NBAS: variants seen among roughly 807,000 people sequenced by gnomAD.
The protein encoded by NBAS is NAG/BC035112 fusion.
Under a neutral mutation model 302.5 loss-of-function variants are expected in NBAS, and 219 were observed. The observed-to-expected ratio is 0.72, with a 90% confidence interval of 0.65 to 0.81. The LOEUF (loss-of-function observed/expected upper bound fraction) is 0.81. Ranked by LOEUF, NBAS falls within the 30% of genes least tolerant of loss-of-function variation. The pLI is 0.00. For synonymous variants in NBAS, 1,118 were observed against 1,021.6 expected (o/e 1.09, Z -1.80); for missense variants, 2,932 against 2,841.6 (o/e 1.03, Z -0.72).
Position 15,218,943 on chromosome 2 carries a change from G to C in NBAS, c.6262C>G (p.Leu2088Val). The C allele has an allele frequency of 6.2e-7, 1 of 1,614,264 alleles. No homozygotes were observed. The highest frequency in any genetic ancestry group is 8.5e-7 in the Non-Finnish European group (1 of 1,180,044). ...CAGAAAGGCCGCAGCCACTCCAGCA[G>C]GTCCTCAGGTGAAACCAGCTCCTCA... The part of the protein sequence containing the change: ...KGEELVSPED[L>V]LEWLRPFCAD... The change falls in exon 48 of 52, where the codon CTG becomes GTG. Residue 2088 changes from leucine (L) to valine (V), a missense_variant. Transcript: ENST00000281513.
chr2:14,861,423 G>C, the NBAS span, among the ~76,000 whole-genome samples: 1 of 152,212 alleles, frequency 6.6e-6, no homozygotes, highest in Non-Finnish European at 1.5e-5. Context: ...AGAGACAAAA[G>C]AACAGGAAGT....
chr2:15,417,129 A>G (rs900488466), intron 24 of NBAS, among the ~76,000 whole-genome samples: 2 of 152,212 alleles, frequency 1.3e-5, no homozygotes, highest in Admixed American at 1.3e-4. Context: ...CCCTGAAGCC[A>G]AGATGTTTTC....
At chr2:15,271,928 A>G (rs1473619715) in intron 44 of NBAS, among the ~76,000 whole-genome samples, 1 of 152,224 alleles carries the variant, frequency 6.6e-6, no homozygotes, top group Non-Finnish European at 1.5e-5. Context: ...CAACAAAAAA[A>G]AGCATTTAGA....
intron 39 of NBAS, 65 bp downstream of exon 39, chr2:15,309,106 A>C: frequency 7.4e-7 from 1 of 1,348,580 alleles, no homozygotes. Context: ...TTTACCGATG[A>C]AAATTCACAG....
At chr2:14,976,757 G>A in the NBAS span, among the ~76,000 whole-genome samples, 1 of 152,174 alleles carries the variant, frequency 6.6e-6, no homozygotes, top group Non-Finnish European at 1.5e-5. Flanking sequence ...CAGGAAAAGA[G>A]GACAGACACA....
At chr2:14,802,060 C>T in the NBAS span, among the ~76,000 whole-genome samples, 1 of 147,064 alleles carries the variant, frequency 6.8e-6, no homozygotes, top group Non-Finnish European at 1.5e-5. Context: ...GCTTTTGTTG[C>T]CATTGTTTTT....
At chr2:15,070,026 G>A in the NBAS span, among the ~76,000 whole-genome samples, 1 of 152,144 alleles carries the variant, frequency 6.6e-6, no homozygotes, top group Non-Finnish European at 1.5e-5. Context: ...CAGAACTGCA[G>A]AGTCCCCTGG....
chr2:15,240,446 C>CAAAA lies in NBAS; in HGVS notation c.5725-1764_5725-1761dup, dbSNP rs1175235771. 5.3e-3 allele frequency among the ~76,000 whole-genome samples: 396 copies of CAAAA among 75,350 alleles called. 6 individuals are homozygous for CAAAA. Among genetic ancestry groups the CAAAA allele is most frequent in the African/African-American group, 0.014 (305 of 21,940 alleles). The allele number at this position is 75,350 out of a possible 152,430, so 49.4% of individuals were successfully genotyped here. A position where few individuals can be genotyped will look rare whatever the true frequency, so the allele number is the denominator to read the frequency against. On this transcript the variant is annotated intron_variant, in intron 44 of 51. Transcript: ENST00000281513. ...TGAAACCCCGTCTCTACTAAAAATA[C>CAAAA]AAAAAAAAAAAAAAAAAAAAATTAG... is the stretch of plus-strand genomic sequence containing the variant.
At chr2:15,164,624 A>G (rs1371262327), downstream of NBAS, among the ~76,000 whole-genome samples, 1 of 152,152 alleles carries the variant, frequency 6.6e-6, no homozygotes, top group Non-Finnish European at 1.5e-5. Flanking sequence ...GCCCTTGCTT[A>G]TTCTGATTTG....
chr2:15,399,398 T>C (rs978524161), intron 26 of NBAS, among the ~76,000 whole-genome samples: 2 of 152,090 alleles, frequency 1.3e-5, no homozygotes, highest in African/African-American at 2.4e-5. Context: ...ACTGATAGCC[T>C]TTGGGTTGAG....
At chr2:15,020,127 C>T in the NBAS span, among the ~76,000 whole-genome samples, 2 of 152,208 alleles carry the variant, frequency 1.3e-5, no homozygotes, top group African/African-American at 4.8e-5. Context: ...CTCCTTTTCA[C>T]TGTATCATGC....
intron 9 of NBAS, 37 bp from the exon 10 acceptor site, chr2:15,511,387 C>T: frequency 6.3e-7 from 1 of 1,589,690 alleles, no homozygotes; most frequent in Non-Finnish European, 8.6e-7. Context: ...CGATAAATTG[C>T]AAATATAAAT....
chr2:15,270,761 TA>T (rs1348266736), intron 44 of NBAS, among the ~76,000 whole-genome samples: 1 of 152,190 alleles, frequency 6.6e-6, no homozygotes, highest in Non-Finnish European at 1.5e-5. Flanking sequence ...GTATAATTTT[TA>T]AAAACCTTCA....
intron 44 of NBAS, among the ~76,000 whole-genome samples, chr2:15,261,874 A>G (rs542074459): frequency 6.6e-6 from 1 of 152,350 alleles, no homozygotes; most frequent in South Asian, 2.1e-4. Context: ...GGTATATACC[A>G]CAAATTGTTA....
In NBAS at chr2:15,275,812, T is replaced by C. The variant is rs769186414; in HGVS notation, c.5396A>G (p.Asn1799Ser). The part of the protein sequence containing the change: ...KKFKVVASGL[N>S]YKKLTDENMS... ...GTTTTCATCTGTCAGCTTTTTGTAATTAAGACCTAGCAGAAAAAAAAAGAA... is the reference window on the plus strand; with the variant it reads ...GTTTTCATCTGTCAGCTTTTTGTAACTAAGACCTAGCAGAAAAAAAAAGAA... The change falls in exon 44 of 52, where the codon AAT (asparagine) becomes AGT (serine). Residue 1799 changes from asparagine to serine, a missense_variant. Coordinates refer to ENST00000281513, the MANE Select transcript of NBAS (RefSeq NM_015909.4). 2.5e-6 allele frequency: 4 copies of C among 1,612,972 alleles called. No homozygotes were observed. The highest frequency in any genetic ancestry group is 3.4e-6 in the Non-Finnish European group (4 of 1,179,976).
At chr2:15,079,965 G>A in the NBAS span, among the ~76,000 whole-genome samples, 9 of 152,200 alleles carry the variant, frequency 5.9e-5, no homozygotes, top group South Asian at 4.1e-4. Flanking sequence ...CAAATAAGCC[G>A]TGCTTTTCTT....
chr2:15,144,096 A>C, the NBAS span, among the ~76,000 whole-genome samples: 1 of 125,190 alleles, frequency 8.0e-6, no homozygotes, highest in East Asian at 3.2e-4. Flanking sequence ...CCTCTAGAGA[A>C]ACCTGACTAA....
intron 19 of NBAS, among the ~76,000 whole-genome samples, chr2:15,462,954 G>T (rs946920239): frequency 2.6e-5 from 4 of 152,174 alleles, no homozygotes; most frequent in Non-Finnish European, 5.9e-5. Context: ...GCATACTCAT[G>T]GAAACCAAAA....
At chr2:15,035,112 TG>T in the NBAS span, among the ~76,000 whole-genome samples, 1,509 of 144,438 alleles carry the variant, frequency 0.01, 32 homozygotes, top group African/African-American at 0.038. Flanking sequence ...TAAGGGAGTG[TG>T]GGGTTTTTTT....
Sources: gnomAD v4.1 joint callset for allele counts (sites outside exome capture counted in the v4.1 genomes callset) on GRCh38, gnomAD v4.1.1 for gene constraint, MANE v1.5 for transcripts, NCBI Gene and HGNC (gene_info 2026-07-23, HGNC 2026-07-21) for gene names.